RSRC1: variants seen among roughly 807,000 people sequenced by gnomAD.
The protein encoded by RSRC1 is arginine and serine rich coiled-coil 1.
In RSRC1, 39 loss-of-function variants were observed where a neutral mutation model predicts 49.1. That is an observed-to-expected ratio of 0.79 (90% CI 0.61 to 1.04). The LOEUF (loss-of-function observed/expected upper bound fraction) is 1.04, where lower values mean the gene tolerates loss of function less well. Among genes scored for constraint, RSRC1 ranks in the 50% least tolerant of loss-of-function variants. The pLI is 0.00. For synonymous variants in RSRC1, 143 were observed against 130.8 expected (o/e 1.09, Z -0.63); for missense variants, 388 against 402.4 (o/e 0.96, Z 0.31).
chr3:158,180,539 G>GTA (rs1243648695), intron 3 of RSRC1, among the ~76,000 whole-genome samples: 1 of 150,214 alleles, frequency 6.7e-6, no homozygotes, highest in African/African-American at 2.5e-5. Flanking sequence ...ATGGCTCACT[G>GTA]TAGCCTCTTT....
In RSRC1 at chr3:158,392,164, C is replaced by A. The variant is rs190980076; in HGVS notation, c.583+37256C>A. Among the ~76,000 whole-genome samples the A allele has an allele frequency of 1.8e-4, 27 of 152,224 alleles. No individual in the cohort carries two copies. The East Asian group carries it at 4.4e-3, about 25-fold the overall frequency. ...ATAATGTACTCTGCATACCTACATA[C>A]TATATTCTGCAATTTTACATGTAAT... On this transcript the variant is annotated intron_variant, in intron 6 of 9. Coordinates refer to ENST00000611884, the MANE Select transcript of RSRC1 (RefSeq NM_001271838.2).
intron 1 of RSRC1, among the ~76,000 whole-genome samples, chr3:158,117,751 A>G (rs554869937): frequency 3.1e-4 from 47 of 152,224 alleles, no homozygotes; most frequent in African/African-American, 1.1e-3. Context: ...TTCAGCGTTC[A>G]GAGTAACTGG....
At chr3:158,536,348 A>G (rs886212307) in intron 7 of RSRC1, among the ~76,000 whole-genome samples, 7 of 151,502 alleles carry the variant, frequency 4.6e-5, no homozygotes, top group African/African-American at 1.7e-4. Flanking sequence ...CAGATTCTTC[A>G]GTAAATAAAT....
intron 7 of RSRC1, among the ~76,000 whole-genome samples, chr3:158,480,695 A>G (rs1364798944): frequency 2.0e-5 from 3 of 152,034 alleles, no homozygotes; most frequent in African/African-American, 4.8e-5. Flanking sequence ...CACATGAAGA[A>G]TACTACCATA....
intron 3 of RSRC1, among the ~76,000 whole-genome samples, chr3:158,145,740 G>C (rs1430693004): frequency 6.6e-6 from 1 of 152,098 alleles, no homozygotes; most frequent in South Asian, 2.1e-4. Context: ...CCATTTTCAC[G>C]ATATTGCTTC....
At chr3:158,434,322 C>A (rs1394629663) in intron 6 of RSRC1, among the ~76,000 whole-genome samples, 1 of 151,708 alleles carries the variant, frequency 6.6e-6, no homozygotes, top group Non-Finnish European at 1.5e-5. Context: ...TTTTCTAATT[C>A]TTTATTTACA....
chr3:158,266,849 C>T (rs756621734), intron 4 of RSRC1, among the ~76,000 whole-genome samples: 10 of 152,014 alleles, frequency 6.6e-5, no homozygotes, highest in African/African-American at 1.7e-4. Context: ...CTGCAGCCTC[C>T]GCCTCCTGGG....
intron 3 of RSRC1, among the ~76,000 whole-genome samples, chr3:158,153,036 G>C (rs1185721226): frequency 1.3e-5 from 2 of 152,174 alleles, no homozygotes; most frequent in Non-Finnish European, 2.9e-5. Context: ...CTCAGGTATA[G>C]TAAAGTCCTG....
chr3:158,353,999 T>C (rs944622073), intron 5 of RSRC1, among the ~76,000 whole-genome samples: 53 of 139,762 alleles, frequency 3.8e-4, no homozygotes, highest in African/African-American at 1.3e-3. Flanking sequence ...CTTTTTCTTT[T>C]TTTTTTTTTT....
chr3:158,140,434 C>T (rs1342197209), intron 3 of RSRC1, among the ~76,000 whole-genome samples: 1 of 152,166 alleles, frequency 6.6e-6, no homozygotes, highest in Non-Finnish European at 1.5e-5. Flanking sequence ...GCCACTATTA[C>T]CATTGGCCTT....
intron 4 of RSRC1, among the ~76,000 whole-genome samples, chr3:158,215,462 T>C (rs1257402772): frequency 6.6e-6 from 1 of 151,746 alleles, no homozygotes; most frequent in East Asian, 1.9e-4. Context: ...TTTTAATTGG[T>C]GTGTTTACAT....
At chr3:158,248,032 G>A (rs1724001375) in intron 4 of RSRC1, among the ~76,000 whole-genome samples, 1 of 152,126 alleles carries the variant, frequency 6.6e-6, no homozygotes, top group East Asian at 1.9e-4. Flanking sequence ...TCAGTTGAAG[G>A]TGCTATATCC....
At chr3:158,155,025 T>A (rs190642743) in intron 3 of RSRC1, among the ~76,000 whole-genome samples, 1 of 152,254 alleles carries the variant, frequency 6.6e-6, no homozygotes, top group Non-Finnish European at 1.5e-5. Flanking sequence ...TTTTGTTTTG[T>A]TTTGTTATTG....
chr3:158,135,455 T>G (rs1480554640), intron 3 of RSRC1, among the ~76,000 whole-genome samples: 1 of 150,360 alleles, frequency 6.7e-6, no homozygotes, highest in East Asian at 1.9e-4. Context: ...TTTTTTTGAA[T>G]TTTTAGTAGA....
At chr3:158,121,431 A>T (rs903824081) in intron 1 of RSRC1, among the ~76,000 whole-genome samples, 1 of 152,120 alleles carries the variant, frequency 6.6e-6, no homozygotes, top group African/African-American at 2.4e-5. Context: ...CCTTATAGAG[A>T]TACTAGCAGT....
At chr3:158,491,333 T>G (rs751266102) in intron 7 of RSRC1, among the ~76,000 whole-genome samples, 1 of 152,196 alleles carries the variant, frequency 6.6e-6, no homozygotes, top group African/African-American at 2.4e-5. Context: ...CAGAAATGGT[T>G]TATGGTACCT....
intron 6 of RSRC1, among the ~76,000 whole-genome samples, chr3:158,369,992 A>G (rs918765349): frequency 4.6e-5 from 7 of 151,984 alleles, no homozygotes; most frequent in Non-Finnish European, 1.5e-5. Flanking sequence ...AATAATATAC[A>G]TGGTGAATTT....
intron 7 of RSRC1, among the ~76,000 whole-genome samples, chr3:158,507,708 C>A (rs1286448013): frequency 6.6e-6 from 1 of 152,040 alleles, no homozygotes; most frequent in East Asian, 1.9e-4. Context: ...TAAAAAAATA[C>A]AAGAATGCTT....
chr3:158,246,645 A>G (rs1723918084), intron 4 of RSRC1, among the ~76,000 whole-genome samples: 1 of 152,092 alleles, frequency 6.6e-6, no homozygotes, highest in Non-Finnish European at 1.5e-5. Context: ...TATGAAGTTT[A>G]GTTTGGTCGG....
Sources: gnomAD v4.1 joint callset for allele counts (sites outside exome capture counted in the v4.1 genomes callset) on GRCh38, gnomAD v4.1.1 for gene constraint, MANE v1.5 for transcripts, NCBI Gene and HGNC (gene_info 2026-07-23, HGNC 2026-07-21) for gene names.